Variants in WWOX observed in about 807,000 individuals in gnomAD.
WWOX encodes WW domain containing oxidoreductase.
A neutral mutation model predicts 46.2 loss-of-function variants in WWOX; 69 were observed. The ratio of observed to expected loss-of-function variants is 1.49; its 90% confidence interval spans 1.23 to 1.82. The LOEUF (loss-of-function observed/expected upper bound fraction) is 1.82. WWOX is among the 40% of genes most tolerant of loss of function. WWOX has a pLI of 0.00. For missense variants in WWOX, 919 were observed against 542.6 expected, an observed-to-expected ratio of 1.69 and a Z score of -6.89; for synonymous variants, 359 against 202.6, an observed-to-expected ratio of 1.77 and a Z score of -6.56.
Position 78,129,994 on chromosome 16 carries a change from G to A in WWOX, c.409+14840G>A, listed in dbSNP as rs141512493. ...AATCATGCTGTTCTCACGATAATGA[G>A]TGAGTTCTCATGAGATCTGATGGTT... On this transcript the variant is annotated intron_variant, in intron 4 of 8. Coordinates refer to ENST00000566780, the MANE Select transcript of WWOX (RefSeq NM_016373.4). 1.2e-4 allele frequency: 19 copies of A among 152,226 alleles called. No homozygotes were observed. The East Asian group carries it at 3.1e-3, about 25-fold the overall frequency. 9.4% of individuals were successfully genotyped at this position (152,226 alleles called of 1,614,324 possible). A position where few individuals can be genotyped will look rare whatever the true frequency, so the allele number is the denominator to read the frequency against.
At chr16:78,102,281 G>C (rs1014858425) in intron 1 of WWOX, among the ~76,000 whole-genome samples, 5 of 152,174 alleles carry the variant, frequency 3.3e-5, no homozygotes, top group Admixed American at 2.6e-4. Context: ...GGAACAGTGA[G>C]AGGAGAGACC....
At position 78,675,988 on chromosome 16, in the gene WWOX, T is replaced by G. The variant is rs199604827; in HGVS notation, c.1056+243236T>G. ...CATTTAAATCAATCCAAGATTTTAG[T>G]GGAAAGGGAAAGCATATGATCTAGT... On this transcript the variant is annotated intron_variant, in intron 8 of 8. Coordinates refer to ENST00000566780, the MANE Select transcript of WWOX (RefSeq NM_016373.4). 2.6e-5 allele frequency among the ~76,000 whole-genome samples: 4 copies of G among 152,172 alleles called. No individual in the cohort carries two copies. In the East Asian group the frequency reaches 7.7e-4, roughly 29 times the overall value.
At chr16:78,808,088 C>T (rs1440601836) in intron 8 of WWOX, among the ~76,000 whole-genome samples, 1 of 152,202 alleles carries the variant, frequency 6.6e-6, no homozygotes, top group African/African-American at 2.4e-5. Context: ...CATTTGGAGA[C>T]TCTCCTAGGG....
chr16:78,620,647 C>G (rs2046156539), intron 8 of WWOX, among the ~76,000 whole-genome samples: 1 of 152,082 alleles, frequency 6.6e-6, no homozygotes, highest in Non-Finnish European at 1.5e-5. Context: ...CTTCCTGCTT[C>G]TTGATGCACT....
chr16:78,134,931 G>T (rs928088245), intron 4 of WWOX, among the ~76,000 whole-genome samples: 3 of 152,226 alleles, frequency 2.0e-5, no homozygotes, highest in Non-Finnish European at 2.9e-5. Flanking sequence ...TTTCACTGAA[G>T]CCTGGGGACA....
At chr16:78,674,507 A>G (rs1290751113) in intron 8 of WWOX, among the ~76,000 whole-genome samples, 1 of 151,722 alleles carries the variant, frequency 6.6e-6, no homozygotes, top group Non-Finnish European at 1.5e-5. Flanking sequence ...CTGGTCTCAA[A>G]CTCCTGACGT....
intron 8 of WWOX, among the ~76,000 whole-genome samples, chr16:78,691,666 C>T (rs537050123): frequency 6.6e-6 from 1 of 152,230 alleles, no homozygotes; most frequent in South Asian, 2.1e-4. Context: ...CGTGTTGCTG[C>T]CACTGTACTC....
chr16:78,831,186 C>G (rs1013432387), intron 8 of WWOX, among the ~76,000 whole-genome samples: 1 of 151,864 alleles, frequency 6.6e-6, no homozygotes, highest in African/African-American at 2.4e-5. Flanking sequence ...CCCTGGCTGT[C>G]TGAGCACCAT....
At chr16:78,297,262 C>T (rs555358290) in intron 5 of WWOX, among the ~76,000 whole-genome samples, 2 of 152,286 alleles carry the variant, frequency 1.3e-5, no homozygotes, top group African/African-American at 2.4e-5. Context: ...GGTTTCTGCA[C>T]AGCTTTGATC....
chr16:79,195,192 G>C (rs1285435512), intron 8 of WWOX, among the ~76,000 whole-genome samples: 6 of 152,112 alleles, frequency 3.9e-5, no homozygotes, highest in Non-Finnish European at 8.8e-5. Context: ...GGGTACCCCA[G>C]GAAGTAGATT....
chr16:78,161,203 C>G (rs1470589275), intron 4 of WWOX, among the ~76,000 whole-genome samples: 1 of 151,752 alleles, frequency 6.6e-6, no homozygotes, highest in Non-Finnish European at 1.5e-5. Flanking sequence ...TTTTTAAGGA[C>G]AGTATATGTA....
intron 8 of WWOX, among the ~76,000 whole-genome samples, chr16:78,923,046 A>G (rs147923270): frequency 8.0e-4 from 120 of 150,632 alleles, no homozygotes; most frequent in African/African-American, 2.6e-3. Flanking sequence ...CAATGGCGCA[A>G]TGTTGGTCCA....
At chr16:78,113,214 G>C (rs1486614826) in intron 3 of WWOX, among the ~76,000 whole-genome samples, 1 of 152,138 alleles carries the variant, frequency 6.6e-6, no homozygotes, top group Non-Finnish European at 1.5e-5. Flanking sequence ...CAGACCTACT[G>C]AATCAGCACT....
At chr16:78,559,063 A>C (rs889767176) in intron 8 of WWOX, among the ~76,000 whole-genome samples, 1 of 152,206 alleles carries the variant, frequency 6.6e-6, no homozygotes, top group African/African-American at 2.4e-5. Flanking sequence ...AAGGACACAT[A>C]GTTCCGTCTG....
At position 78,104,149 on chromosome 16, in the gene WWOX, G is replaced by T. The variant is rs145715529; in HGVS notation, c.107+4264G>T. On this transcript the variant is annotated intron_variant, in intron 1 of 8. Transcript: ENST00000566780. ...AGCTCAGGCCTTTTGGCAGTCAGAGGCCTCAATGGTGCCTGTGTCCACAGG... is the reference window on the plus strand; with the variant it reads ...AGCTCAGGCCTTTTGGCAGTCAGAGTCCTCAATGGTGCCTGTGTCCACAGG... Among the ~76,000 whole-genome samples the T allele has an allele frequency of 7.7e-3, 1,162 of 151,770 alleles. 6 individuals carry two copies. Among genetic ancestry groups the T allele is most frequent in the South Asian group, 0.013 (62 of 4,788 alleles).
chr16:78,639,084 T>A (rs2042431), intron 8 of WWOX, among the ~76,000 whole-genome samples: 1 of 152,096 alleles, frequency 6.6e-6, no homozygotes, highest in Admixed American at 6.5e-5. Context: ...AAGCTGGGCC[T>A]AAAAGACCAG....
At chr16:78,201,952 C>T (rs575643234) in intron 5 of WWOX, among the ~76,000 whole-genome samples, 1 of 152,172 alleles carries the variant, frequency 6.6e-6, no homozygotes, top group African/African-American at 2.4e-5. Context: ...CCACCCGCCT[C>T]GGCCTCCCAA....
At chr16:78,664,451 C>T (rs1018842261) in intron 8 of WWOX, among the ~76,000 whole-genome samples, 1 of 152,146 alleles carries the variant, frequency 6.6e-6, no homozygotes, top group Non-Finnish European at 1.5e-5. Flanking sequence ...GCTTCTTCCT[C>T]GATCAGGCTG....
intron 8 of WWOX, among the ~76,000 whole-genome samples, chr16:78,676,956 G>C (rs988029184): frequency 1.3e-5 from 2 of 152,052 alleles, no homozygotes; most frequent in Admixed American, 1.3e-4. Context: ...GAATAAAAAC[G>C]GTGTTTCCTC....
Sources: gnomAD v4.1 joint callset for allele counts (sites outside exome capture counted in the v4.1 genomes callset) on GRCh38, gnomAD v4.1.1 for gene constraint, MANE v1.5 for transcripts, NCBI Gene and HGNC (gene_info 2026-07-23, HGNC 2026-07-21) for gene names.